The following CPED1 variants were observed in gnomAD, a reference collection of about 807,000 sequenced individuals.
The protein encoded by CPED1 is cadherin like and PC-esterase domain containing 1.
Under a neutral mutation model 128.2 loss-of-function variants are expected in CPED1, and 114 were observed. The observed-to-expected ratio is 0.89, with a 90% confidence interval of 0.76 to 1.04. CPED1 has a LOEUF of 1.04. Among genes scored for constraint, CPED1 ranks in the 50% least tolerant of loss-of-function variants. The probability of loss-of-function intolerance (pLI) is 0.00; values close to 1 mark genes in which losing one functional copy is unlikely to be tolerated. For missense variants in CPED1, 1,211 were observed against 1,207.1 expected, an observed-to-expected ratio of 1.00 and a Z score of -0.05; for synonymous variants, 462 against 426.7, an observed-to-expected ratio of 1.08 and a Z score of -1.02.
chr7:121,258,038 G>A (rs1791925249), intron 18 of CPED1, among the ~76,000 whole-genome samples: 1 of 152,006 alleles, frequency 6.6e-6, no homozygotes, highest in Admixed American at 6.6e-5. Flanking sequence ...TCTCAGGCTG[G>A]CAATCAGGAA....
intron 2 of CPED1, among the ~76,000 whole-genome samples, chr7:120,995,081 A>T (rs1796374437): frequency 6.6e-6 from 1 of 152,246 alleles, no homozygotes; most frequent in East Asian, 1.9e-4. Flanking sequence ...ATAAAACAAT[A>T]AGCTTTCTTT....
At chr7:121,043,650 A>C (rs1215438277) in intron 3 of CPED1, among the ~76,000 whole-genome samples, 1 of 152,118 alleles carries the variant, frequency 6.6e-6, no homozygotes, top group Non-Finnish European at 1.5e-5. Flanking sequence ...AAGCAGAGTT[A>C]GGGCCAGGTG....
intron 17 of CPED1, among the ~76,000 whole-genome samples, chr7:121,242,697 C>G (rs1235400499): frequency 6.6e-6 from 1 of 152,116 alleles, no homozygotes; most frequent in African/African-American, 2.4e-5. Context: ...GAACAAATGA[C>G]TCTGCATTCC....
At chr7:121,295,140 A>AACACACACACACACACACACACACAC (rs35927183) in intron 22 of CPED1, among the ~76,000 whole-genome samples, 28 of 145,784 alleles carry the variant, frequency 1.9e-4, no homozygotes, top group African/African-American at 7.3e-4. Context: ...CTGGCCTGAA[A>AACACACACACACACACACACACACAC]ACACACACAC....
intron 2 of CPED1, among the ~76,000 whole-genome samples, chr7:120,999,315 A>C (rs1791761602): frequency 6.6e-6 from 1 of 152,180 alleles, no homozygotes; most frequent in Non-Finnish European, 1.5e-5. Context: ...ATCTTTGATT[A>C]ATTAACTATC....
At chr7:121,273,905 C>T (rs1401795629) in intron 22 of CPED1, among the ~76,000 whole-genome samples, 2 of 152,154 alleles carry the variant, frequency 1.3e-5, no homozygotes, top group African/African-American at 4.8e-5. Context: ...TGCAGCTGAG[C>T]CAGCCCAGGA....
intron 9 of CPED1, 31 bp downstream of exon 9, chr7:121,125,923 C>A: frequency 6.9e-7 from 1 of 1,446,132 alleles, no homozygotes; most frequent in South Asian, 1.1e-5. Context: ...ATGTGAGCTT[C>A]TACCTTGTGG....
chr7:121,255,122 C>T (rs11763675), intron 18 of CPED1, among the ~76,000 whole-genome samples: 1 of 151,644 alleles, frequency 6.6e-6, no homozygotes, highest in African/African-American at 2.4e-5. Flanking sequence ...AAAACTTCAG[C>T]CCAGTTTGCC....
chr7:121,140,344 T>G (rs1342821905), intron 14 of CPED1, among the ~76,000 whole-genome samples: 2 of 151,988 alleles, frequency 1.3e-5, no homozygotes, highest in Admixed American at 6.6e-5. Context: ...TTGCAGTCTT[T>G]GCCCCACACT....
At chr7:121,272,231 T>C (rs1481899391) in intron 22 of CPED1, among the ~76,000 whole-genome samples, 1 of 152,124 alleles carries the variant, frequency 6.6e-6, no homozygotes. Flanking sequence ...GGACACTTAT[T>C]TGCCATTTCC....
At chr7:121,194,049 T>TATATATATATATATA (rs869163862) in intron 16 of CPED1, among the ~76,000 whole-genome samples, 2 of 41,396 alleles carry the variant, frequency 4.8e-5, no homozygotes, top group Non-Finnish European at 9.4e-5. Context: ...TATATATATA[T>TATATATATATATATA]TTTTTTTTTT....
At chr7:121,039,144 G>A (rs1022831036) in intron 3 of CPED1, among the ~76,000 whole-genome samples, 1 of 152,044 alleles carries the variant, frequency 6.6e-6, no homozygotes, top group East Asian at 1.9e-4. Context: ...TCTTCTGCAT[G>A]AGAGATTTGT....
At chr7:121,168,032 C>A (rs1171218355) in intron 16 of CPED1, among the ~76,000 whole-genome samples, 2 of 152,100 alleles carry the variant, frequency 1.3e-5, no homozygotes, top group East Asian at 3.9e-4. Context: ...CGCTCCTGAC[C>A]CAAAAGTCTA....
chr7:121,008,816 C>T (rs2116790159), intron 2 of CPED1, among the ~76,000 whole-genome samples: 1 of 151,982 alleles, frequency 6.6e-6, no homozygotes, highest in Admixed American at 6.5e-5. Context: ...TGTTGCATTC[C>T]CAGACCCTAA....
chr7:121,019,520 C>T (rs1562994143), intron 3 of CPED1, among the ~76,000 whole-genome samples: 1 of 151,960 alleles, frequency 6.6e-6, no homozygotes, highest in East Asian at 1.9e-4. Flanking sequence ...TTCTGAGGGA[C>T]ATATTATTGG....
intron 17 of CPED1, among the ~76,000 whole-genome samples, chr7:121,240,452 T>C (rs952909446): frequency 2.6e-5 from 4 of 152,190 alleles, no homozygotes; most frequent in African/African-American, 4.8e-5. Flanking sequence ...ATCATTATCC[T>C]ATTAGAAAGA....
intron 13 of CPED1, among the ~76,000 whole-genome samples, 165 bp downstream of exon 13, chr7:121,134,058 G>T (rs1455623372): frequency 6.6e-6 from 1 of 151,966 alleles, no homozygotes; most frequent in Non-Finnish European, 1.5e-5. Flanking sequence ...TATAGAGAGG[G>T]AATCCAGCAA....
At position 121,236,759 on chromosome 7, in the gene CPED1, C is replaced by G; in HGVS notation, c.2101C>G (p.Pro701Ala). The G allele has an allele frequency of 6.2e-7, 1 of 1,609,610 alleles. No individual in the cohort carries two copies. Among genetic ancestry groups the G allele is most frequent in the Non-Finnish European group, 8.5e-7 (1 of 1,178,160 alleles). Residue 701 changes from proline to alanine, a missense_variant, in exon 17 of 23, where the codon CCT becomes GCT. Pro to Ala is a conservative substitution (Grantham distance 27, BLOSUM62 -1). Transcript: ENST00000310396. Reference protein sequence around the residue: ...IHPEETCGLQPISSDYIEAIL... With the variant: ...IHPEETCGLQAISSDYIEAIL... ...TCCAGAGGAAACCTGTGGGTTACAG[C>G]CTATTTCTTCTGACTACATTGAAGC... is the stretch of plus-strand genomic sequence containing the variant.
chr7:121,294,766 C>T (rs1426366553), intron 22 of CPED1, among the ~76,000 whole-genome samples: 2 of 138,658 alleles, frequency 1.4e-5, no homozygotes, highest in East Asian at 4.3e-4. Context: ...GTCAACATGG[C>T]AGATTAGCAT....
Sources: gnomAD v4.1 joint callset for allele counts (sites outside exome capture counted in the v4.1 genomes callset) on GRCh38, gnomAD v4.1.1 for gene constraint, MANE v1.5 for transcripts, NCBI Gene and HGNC (gene_info 2026-07-23, HGNC 2026-07-21) for gene names.